The following DAPP1 variants were observed in gnomAD, a reference collection of about 807,000 sequenced individuals.
DAPP1 encodes dual adaptor of phosphotyrosine and 3-phosphoinositides 1.
In DAPP1, 20 loss-of-function variants were observed where a neutral mutation model predicts 41.5. The observed-to-expected ratio is 0.48, with a 90% CI of 0.34 to 0.70. DAPP1 has a LOEUF of 0.70. Among genes scored for constraint, DAPP1 ranks in the 30% least tolerant of loss-of-function variants. The probability of loss-of-function intolerance (pLI) is 0.01; values close to 1 mark genes in which losing one functional copy is unlikely to be tolerated. For missense variants in DAPP1, 233 were observed against 333.4 expected (o/e 0.70, Z 2.35); for synonymous variants, 113 against 116.2 (o/e 0.97, Z 0.18).
chr4:99,833,410 A>G (rs1723188451), intron 1 of DAPP1, among the ~76,000 whole-genome samples: 1 of 152,366 alleles, frequency 6.6e-6, no homozygotes, highest in East Asian at 1.9e-4. Context: ...AACATGCATT[A>G]GGAAATGCAG....
intron 3 of DAPP1, among the ~76,000 whole-genome samples, chr4:99,841,513 A>T (rs1001766979): frequency 1.3e-5 from 2 of 152,190 alleles, no homozygotes; most frequent in South Asian, 4.1e-4. Context: ...CAACCCTGAA[A>T]ATTACTTCAC....
intron 1 of DAPP1, among the ~76,000 whole-genome samples, chr4:99,824,678 T>G (rs1301038622): frequency 6.6e-6 from 1 of 152,202 alleles, no homozygotes; most frequent in African/African-American, 2.4e-5. Context: ...ACCAGCACTT[T>G]GTGAGGGATA....
chr4:99,830,715 G>A lies in DAPP1; in HGVS notation c.102-4908G>A, dbSNP rs1232385596. ...ATGTTATATCTCCCTGAACAACTGCGGATCCAAACCCCACCAGACTTTTAA... is the reference window on the plus strand; with the variant it reads ...ATGTTATATCTCCCTGAACAACTGCAGATCCAAACCCCACCAGACTTTTAA... On this transcript the variant is annotated intron_variant, in intron 1 of 8. Transcript: ENST00000512369. Among the ~76,000 whole-genome samples, 8 of 152,112 alleles carry A rather than the reference G, an allele frequency of 5.3e-5. No homozygotes were observed. In the South Asian group the frequency reaches 1.0e-3, roughly 20 times the overall value.
At chr4:99,828,574 A>G (rs1057412168) in intron 1 of DAPP1, among the ~76,000 whole-genome samples, 3 of 152,146 alleles carry the variant, frequency 2.0e-5, no homozygotes, top group African/African-American at 7.2e-5. Context: ...TTCTGGAGCA[A>G]TTTTCCAGAA....
In DAPP1 at chr4:99,824,415, C is replaced by G. The variant is rs556874773; in HGVS notation, c.101+7401C>G. On this transcript the variant is annotated intron_variant, in intron 1 of 8. Coordinates refer to ENST00000512369, the MANE Select transcript of DAPP1 (RefSeq NM_014395.3). ...TGCATTCATCACTTTCAGACTCACT[C>G]AGTCCCCTTATGCCCAGTGGTTTTT... 7.9e-5 allele frequency among the ~76,000 whole-genome samples: 12 copies of G among 152,362 alleles called. No homozygotes were observed. The South Asian group carries it at 2.5e-3, about 32-fold the overall frequency.
chr4:99,868,214 C>T lies in DAPP1; in HGVS notation c.*29C>T. On this transcript the variant is annotated 3_prime_UTR_variant, in exon 9 of 9. Coordinates refer to ENST00000512369, the MANE Select transcript of DAPP1 (RefSeq NM_014395.3). ...TTTCTTGCCAAGGAATGCTCTGGCCCAGGAGCAAGGTGGAATGTTTCCCTG... is the reference window on the plus strand; with the variant it reads ...TTTCTTGCCAAGGAATGCTCTGGCCTAGGAGCAAGGTGGAATGTTTCCCTG... 1.9e-6 allele frequency: 3 copies of T among 1,590,870 alleles called. No homozygotes were observed. Among genetic ancestry groups the T allele is most frequent in the South Asian group, 1.1e-5 (1 of 90,612 alleles).
At chr4:99,864,833 C>T (rs1258109432) in intron 7 of DAPP1, 1 of 152,088 alleles carries the variant, frequency 6.6e-6, no homozygotes, top group East Asian at 1.9e-4. Context: ...CGTGTCTGTC[C>T]CTTTTTATCA....
intron 3 of DAPP1, among the ~76,000 whole-genome samples, chr4:99,849,778 T>C (rs558325166): frequency 2.6e-5 from 4 of 152,316 alleles, no homozygotes; most frequent in Non-Finnish European, 5.9e-5. Flanking sequence ...GAGATTATCC[T>C]AGATGGTCTA....
intron 4 of DAPP1, among the ~76,000 whole-genome samples, chr4:99,853,678 G>A (rs918097862): frequency 6.6e-6 from 1 of 152,104 alleles, no homozygotes; most frequent in Non-Finnish European, 1.5e-5. Context: ...TATTAGCTGG[G>A]CATGGTGGCA....
At chr4:99,829,509 G>C (rs886304293) in intron 1 of DAPP1, among the ~76,000 whole-genome samples, 2 of 152,040 alleles carry the variant, frequency 1.3e-5, no homozygotes, top group African/African-American at 4.8e-5. Flanking sequence ...TTTTTCCTAG[G>C]CATTCTTACT....
intron 3 of DAPP1, among the ~76,000 whole-genome samples, chr4:99,850,935 T>G (rs539414511): frequency 3.3e-5 from 5 of 152,344 alleles, no homozygotes; most frequent in African/African-American, 4.8e-5. Flanking sequence ...CTTGTAATGG[T>G]TGTCCAAGGC....
chr4:99,849,815 C>G (rs1723792546), intron 3 of DAPP1, among the ~76,000 whole-genome samples: 1 of 152,132 alleles, frequency 6.6e-6, no homozygotes, highest in African/African-American at 2.4e-5. Context: ...TTGACAGGGT[C>G]CTCATAAGTA....
intron 1 of DAPP1, among the ~76,000 whole-genome samples, chr4:99,821,271 T>C (rs1223766809): frequency 6.6e-6 from 1 of 152,218 alleles, no homozygotes; most frequent in Non-Finnish European, 1.5e-5. Context: ...ACACTTTCAA[T>C]ACGATATCAC....
In DAPP1 at chr4:99,840,282, CT is replaced by C; in HGVS notation, c.225-3del. On this transcript the variant is annotated splice_region_variant and splice_polypyrimidine_tract_variant and intron_variant, in intron 2 of 8. Transcript: ENST00000512369. ...AATAATATTAAATACTTCTTTTTCC[CT>C]TTTAGGGCCAAAGATTCTGTTAAAC... 1 of 1,501,124 alleles carries C rather than the reference CT, an allele frequency of 6.7e-7. No homozygotes were observed. 93.0% of individuals were successfully genotyped at this position (1,501,124 alleles called of 1,614,324 possible). A position where few individuals can be genotyped will look rare whatever the true frequency, so the allele number is the denominator to read the frequency against.
chr4:99,821,275 A>G (rs115463352), intron 1 of DAPP1, among the ~76,000 whole-genome samples: 1,744 of 152,322 alleles, frequency 0.011, 40 homozygotes, highest in African/African-American at 0.039. Context: ...TTTCAATACG[A>G]TATCACCATA....
intron 1 of DAPP1, among the ~76,000 whole-genome samples, chr4:99,827,931 T>A (rs975888425): frequency 9.2e-5 from 14 of 152,204 alleles, no homozygotes; most frequent in African/African-American, 3.4e-4. Flanking sequence ...ATAAGTATCA[T>A]CTATGTAACT....
chr4:99,847,836 A>G (rs1157134788), intron 3 of DAPP1, among the ~76,000 whole-genome samples: 3 of 141,602 alleles, frequency 2.1e-5, no homozygotes, highest in Non-Finnish European at 4.7e-5. Flanking sequence ...TTGTTTTGAG[A>G]CAGAGTCTCA....
intron 8 of DAPP1, 121 bp downstream of exon 8, chr4:99,866,242 A>G (rs1016451574): frequency 6.3e-6 from 4 of 634,190 alleles, no homozygotes; most frequent in Non-Finnish European, 8.5e-6. Context: ...CTGGGTGTCT[A>G]CTTCCAGGCT....
chr4:99,853,039 CT>C (rs1723918000), intron 3 of DAPP1, among the ~76,000 whole-genome samples, 178 bp from the exon 4 acceptor site: 2 of 152,184 alleles, frequency 1.3e-5, no homozygotes, highest in Non-Finnish European at 2.9e-5. Flanking sequence ...TGCTTTATAT[CT>C]CAGTGTCCAG....
Sources: gnomAD v4.1 joint callset for allele counts (sites outside exome capture counted in the v4.1 genomes callset) on GRCh38, gnomAD v4.1.1 for gene constraint, MANE v1.5 for transcripts, NCBI Gene and HGNC (gene_info 2026-07-23, HGNC 2026-07-21) for gene names.